Variants in EPHA1 observed in about 807,000 individuals in gnomAD.
EPHA1 encodes ephrin type-A receptor 1.
Under a neutral mutation model 110.1 loss-of-function variants are expected in EPHA1, and 92 were observed. The ratio of observed to expected loss-of-function variants is 0.84; its 90% CI spans 0.71 to 0.99. EPHA1 has a LOEUF of 0.99. Ranked by LOEUF, EPHA1 falls within the 50% of genes least tolerant of loss-of-function variation. The pLI is 0.00. For synonymous variants in EPHA1, 500 were observed against 516.1 expected, an observed-to-expected ratio of 0.97 and a Z score of 0.42; for missense variants, 1,204 against 1,285.4, an observed-to-expected ratio of 0.94 and a Z score of 0.97.
rs45447297 is a variant in EPHA1 at position 143,401,475 on chromosome 7, C to A, written c.281G>T (p.Arg94Leu). The part of the protein sequence containing the change: ...NWIYRGEEAS[R>L]VHVELQFTVR... ...GGTGAACTGCAGCTCCACGTGGACG[C>A]GGGAAGCCTCCTCCCCGCGGTAGAT... The change falls in exon 3 of 18, where the codon CGC becomes CTC. Residue 94 changes from arginine (R) to leucine (L), a missense_variant. Arg to Leu is a moderately radical substitution (Grantham distance 102). Coordinates refer to ENST00000275815, the MANE Select transcript of EPHA1 (RefSeq NM_005232.5). This position sits in a 1 kb window ranked among gnomAD's most constrained non-coding sequence, Gnocchi z 4.1. 6.8e-6 allele frequency: 11 copies of A among 1,614,058 alleles called. No homozygotes were observed. Among genetic ancestry groups the A allele is most frequent in the Admixed American group, 3.3e-5 (2 of 60,022 alleles).
chr7:143,396,327 G>T, intron 11 of EPHA1, 58 bp downstream of exon 11: 1 of 1,578,484 alleles, frequency 6.3e-7, no homozygotes, highest in Admixed American at 1.8e-5. Flanking sequence ...GGGCCTGCTG[G>T]TGGCTCTGTG....
intron 5 of EPHA1, 111 bp from the exon 6 acceptor site, chr7:143,399,056 G>A: frequency 8.0e-7 from 1 of 1,246,462 alleles, no homozygotes; most frequent in Non-Finnish European, 1.1e-6. Flanking sequence ...GTCCTCTTGG[G>A]GAGATTTGAT....
chr7:143,393,958 T>A lies in EPHA1; in HGVS notation c.2503-94A>T. The stretch of plus-strand genomic sequence containing the variant: ...TCACACAAGATAATTGCAGTGGAGA[T>A]CCTAGGATGGGAGGAGGTGGGAGGA... On this transcript the variant is annotated intron_variant, in intron 15 of 17. Coordinates refer to ENST00000275815, the MANE Select transcript of EPHA1 (RefSeq NM_005232.5). This position sits in a 1 kb window ranked among gnomAD's most constrained non-coding sequence, Gnocchi z 5.6. The A allele has an allele frequency of 7.1e-7, 1 of 1,414,538 alleles. No individual in the cohort carries two copies. The highest frequency in any genetic ancestry group is 1.4e-5 in the South Asian group (1 of 69,996). 87.6% of individuals were successfully genotyped at this position (1,414,538 alleles called of 1,614,324 possible).
chr7:143,391,313 C>A lies in EPHA1; in HGVS notation c.*144G>T, dbSNP rs1805070085. 3.2e-6 allele frequency: 3 copies of A among 945,062 alleles called. No individual in the cohort carries two copies. Among genetic ancestry groups the A allele is most frequent in the African/African-American group, 1.6e-5 (1 of 60,892 alleles). 58.5% of individuals were successfully genotyped at this position (945,062 alleles called of 1,614,324 possible). On this transcript the variant is annotated 3_prime_UTR_variant, in exon 18 of 18. Coordinates refer to ENST00000275815, the MANE Select transcript of EPHA1 (RefSeq NM_005232.5). ...CAAAGAGGTTTTCTGGGGTGCAGAG[C>A]AGGGTTCTCCTGAAAGTGGGCAGAA... is the stretch of plus-strand genomic sequence containing the variant.
chr7:143,395,582 C>T lies in EPHA1; in HGVS notation c.1898-78G>A, dbSNP rs1586579752. The T allele has an allele frequency of 7.6e-6, 11 of 1,453,914 alleles. No individual in the cohort carries two copies. In the East Asian group the frequency reaches 2.1e-4, roughly 27 times the overall value. 90.1% of individuals were successfully genotyped at this position (1,453,914 alleles called of 1,614,324 possible). On this transcript the variant is annotated intron_variant, in intron 11 of 17. Transcript: ENST00000275815. This position sits in a 1 kb window ranked among gnomAD's most constrained non-coding sequence, Gnocchi z 4.7. ...GGGACAGGCAGCAACCCCTCCAGTCCTCCGGCCCTTTTCTTTTCTGGAGAA... is the reference window on the plus strand; with the variant it reads ...GGGACAGGCAGCAACCCCTCCAGTCTTCCGGCCCTTTTCTTTTCTGGAGAA...
chr7:143,407,471 A>G, intron 2 of EPHA1, 140 bp downstream of exon 2: 2 of 560,234 alleles, frequency 3.6e-6, no homozygotes, highest in Non-Finnish European at 6.3e-6. Context: ...GGAGGCTCTG[A>G]CTCAGCCTCC....
Position 143,394,891 on chromosome 7 carries a change from C to T in EPHA1, c.2269G>A (p.Val757Met), listed in dbSNP as rs1347822108. Residue 757 changes from valine to methionine, a missense_variant, in exon 14 of 18, where the codon GTG becomes ATG. Transcript: ENST00000275815. ...ACCTTGCAGCACAGGTTTTGATTCA[C>T]CAAGATGTTTCTGGCAGCCAGGTCC... Reference protein sequence around the residue: ...HRDLAARNILVNQNLCCKVSD... With the variant: ...HRDLAARNILMNQNLCCKVSD... 1.9e-6 allele frequency: 3 copies of T among 1,614,160 alleles called. No homozygotes were observed. The highest frequency in any genetic ancestry group is 2.2e-5 in the East Asian group (1 of 44,884).
Position 143,398,951 on chromosome 7 carries a change from G to A in EPHA1, c.992-6C>T. On this transcript the variant is annotated splice_region_variant and splice_polypyrimidine_tract_variant and intron_variant, in intron 5 of 17. Coordinates refer to ENST00000275815, the MANE Select transcript of EPHA1 (RefSeq NM_005232.5). ...TCGGGGGGCCGAGGGGGGACCTGTGGGAGAAGAGGAGCCATCAGTAGAAGC... is the reference window on the plus strand; with the variant it reads ...TCGGGGGGCCGAGGGGGGACCTGTGAGAGAAGAGGAGCCATCAGTAGAAGC... The A allele has an allele frequency of 6.3e-7, 1 of 1,586,574 alleles. No individual in the cohort carries two copies. The highest frequency in any genetic ancestry group is 8.6e-7 in the Non-Finnish European group (1 of 1,166,282).
rs773742864 is a variant in EPHA1 at position 143,397,998 on chromosome 7, T to C, written c.1537A>G (p.Ile513Val). ...LTELQPDTTY[I>V]VRVRMLTPLG... Reference sequence around the variant, plus strand: ...GGGGTCAGCATTCGGACTCTGACGATGTATGTGGTGTCAGGCTGCAGCTCT... The same window carrying C: ...GGGGTCAGCATTCGGACTCTGACGACGTATGTGGTGTCAGGCTGCAGCTCT... Residue 513 changes from isoleucine (I) to valine (V), a missense_variant, in exon 8 of 18, where the codon ATC (isoleucine) becomes GTC (valine). By Grantham distance (29) the Ile-to-Val change is conservative. Coordinates refer to ENST00000275815, the MANE Select transcript of EPHA1 (RefSeq NM_005232.5). The C allele has an allele frequency of 3.1e-6, 5 of 1,613,870 alleles. No homozygotes were observed. The highest frequency in any genetic ancestry group is 3.3e-5 in the Admixed American group (2 of 59,982).
In EPHA1 at chr7:143,407,611, C is replaced by G; in HGVS notation, c.150G>C (p.Gly50=). ...LGWLLDPPKD[G]WSEQQQILNG... ...GATCCTTCCCTCTTCCGACACTTAC[C>G]CCATCTTTTGGGGGATCCAGCAGCC... The change falls in exon 2 of 18, where the codon GGG becomes GGC. Residue 50 remains glycine (G), a splice_region_variant and synonymous_variant. Transcript: ENST00000275815. 1.2e-6 allele frequency: 2 copies of G among 1,613,252 alleles called. No individual in the cohort carries two copies. The highest frequency in any genetic ancestry group is 1.7e-6 in the Non-Finnish European group (2 of 1,179,568).
chr7:143,399,416 G>A lies in EPHA1; in HGVS notation c.836-3C>T, dbSNP rs755132231. 6.3e-7 allele frequency: 1 copy of A among 1,580,430 alleles called. No individual in the cohort carries two copies. Among genetic ancestry groups the A allele is most frequent in the East Asian group, 2.2e-5 (1 of 44,524 alleles). Reference sequence around the variant, plus strand: ...CCGGTAGGAGCCGCTAGGGCAGGCTGGAGAGAGAACGCAGCAGAGCAGTGG... The same window carrying A: ...CCGGTAGGAGCCGCTAGGGCAGGCTAGAGAGAGAACGCAGCAGAGCAGTGG... On this transcript the variant is annotated splice_polypyrimidine_tract_variant and splice_region_variant and intron_variant, in intron 4 of 17. Transcript: ENST00000275815.
chr7:143,405,849 A>G (rs1320745422), intron 2 of EPHA1, among the ~76,000 whole-genome samples: 3 of 152,132 alleles, frequency 2.0e-5, no homozygotes, highest in Admixed American at 2.0e-4. Context: ...AGGGAAAGAA[A>G]GCAAGTAACC....
chr7:143,401,892 C>G lies in EPHA1; in HGVS notation c.151-287G>C, dbSNP rs1439228274. 3.3e-5 allele frequency among the ~76,000 whole-genome samples: 5 copies of G among 152,252 alleles called. No homozygotes were observed. Among genetic ancestry groups the G allele is most frequent in the East Asian group, 3.9e-4 (2 of 5,174 alleles). On this transcript the variant is annotated intron_variant, in intron 2 of 17. Transcript: ENST00000275815. The surrounding 1 kb of genome is among the most constrained non-coding windows in gnomAD (Gnocchi z 4.1). ...TCATCAGCAGAACAGCCAGGTACCC[C>G]CAAGGCAAAGCTCATTTACAAAACC... is the stretch of plus-strand genomic sequence containing the variant.
At chr7:143,399,561 C>T (rs892978246) in intron 4 of EPHA1, 90 bp downstream of exon 4, 39 of 1,577,310 alleles carry the variant, frequency 2.5e-5, no homozygotes, top group Non-Finnish European at 3.1e-5. Context: ...TAAAAACCCA[C>T]TGAGGCGGAG....
rs533009154 is a variant in EPHA1, at chr7:143,404,317, C to T, written c.151-2712G>A. On this transcript the variant is annotated intron_variant, in intron 2 of 17. Coordinates refer to ENST00000275815, the MANE Select transcript of EPHA1 (RefSeq NM_005232.5). ...CTGCAAGCTCTGCCTCCAGGGTTCA[C>T]GCCATTCTCCTGCTTCAGCCTCCCA... is the stretch of plus-strand genomic sequence containing the variant. 5.9e-5 allele frequency among the ~76,000 whole-genome samples: 9 copies of T among 151,740 alleles called. No individual in the cohort carries two copies. In the South Asian group the frequency reaches 6.3e-4, roughly 11 times the overall value.
chr7:143,398,719 G>T lies in EPHA1; in HGVS notation c.1218C>A (p.Val406=). 6.2e-7 allele frequency: 1 copy of T among 1,614,122 alleles called. No individual in the cohort carries two copies. Among genetic ancestry groups the T allele is most frequent in the Non-Finnish European group, 8.5e-7 (1 of 1,179,994 alleles). ...ARGLTTPAVH[V]NGLEPYANYT... The stretch of plus-strand genomic sequence containing the variant: ...AGTTGGCATAAGGTTCAAGGCCATT[G>T]ACATGCACTGCAGGTGTGGTGAGCC... Residue 406 remains valine (V), a synonymous_variant, in exon 6 of 18, where the codon GTC becomes GTA. Coordinates refer to ENST00000275815, the MANE Select transcript of EPHA1 (RefSeq NM_005232.5).
In EPHA1 at chr7:143,401,592, T is replaced by G; in HGVS notation, c.164A>C (p.Gln55Pro). ...CAGGGGTGTCCCATTCAGTATCTGT[T>G]GCTGTTCACTCCACTGCAAGGAGGA... Reference protein sequence around the residue: ...DPPKDGWSEQQQILNGTPLYM... With the variant: ...DPPKDGWSEQPQILNGTPLYM... The change falls in exon 3 of 18, where the codon CAA becomes CCA. Residue 55 changes from glutamine to proline, a missense_variant. By Grantham distance (76) the Gln-to-Pro change is moderately conservative. Transcript: ENST00000275815. This position sits in a 1 kb window ranked among gnomAD's most constrained non-coding sequence, Gnocchi z 4.1. 6.2e-7 allele frequency: 1 copy of G among 1,611,980 alleles called. No individual in the cohort carries two copies. Among genetic ancestry groups the G allele is most frequent in the Non-Finnish European group, 8.5e-7 (1 of 1,178,222 alleles).
chr7:143,398,495 T>C, intron 6 of EPHA1, 47 bp from the exon 7 acceptor site: 1 of 1,611,828 alleles, frequency 6.2e-7, no homozygotes, highest in Non-Finnish European at 8.5e-7. Flanking sequence ...AAAAAGGAAA[T>C]AACCTTAGTA....
Position 143,399,822 on chromosome 7 carries a change from C to T in EPHA1, c.664G>A (p.Ala222Thr), listed in dbSNP as rs756665403. 8.1e-6 allele frequency: 13 copies of T among 1,609,920 alleles called. No individual in the cohort carries two copies. Among genetic ancestry groups the T allele is most frequent in the South Asian group, 6.6e-5 (6 of 90,594 alleles). ...AQFPDTLPGP[A>T]GLVEVAGTCL... ...GTCCCCGCCACTTCCACCAACCCAG[C>T]GGGGCCAGGCAGAGTGTCTGGGAAT... Residue 222 changes from alanine (A) to threonine (T), a missense_variant, in exon 4 of 18, where the codon GCT becomes ACT. Coordinates refer to ENST00000275815, the MANE Select transcript of EPHA1 (RefSeq NM_005232.5).
Sources: allele counts gnomAD v4.1 joint callset (sites outside exome capture counted in the v4.1 genomes callset), GRCh38; gene constraint gnomAD v4.1.1; non-coding constraint Gnocchi (gnomAD v3.1); transcripts MANE v1.5; gene names NCBI Gene and HGNC (gene_info 2026-07-23, HGNC 2026-07-21).